The following PPIC variants were observed in gnomAD, a reference collection of about 807,000 sequenced individuals.
The protein encoded by PPIC is peptidyl-prolyl cis-trans isomerase C.
Under a neutral mutation model 19.5 loss-of-function variants are expected in PPIC, and 19 were observed. That is an observed-to-expected ratio of 0.98 (90% CI 0.68 to 1.43). PPIC has a LOEUF of 1.43. Ranked by LOEUF, PPIC falls within the 40% of genes most tolerant of loss-of-function variation. The probability of loss-of-function intolerance (pLI) is 0.00; values close to 1 mark genes in which losing one functional copy is unlikely to be tolerated. For synonymous variants in PPIC, 107 were observed against 101.2 expected (o/e 1.06, Z -0.34); for missense variants, 268 against 268.6 (o/e 1.00, Z 0.02).
intron 3 of PPIC, chr5:123,028,441 C>T: frequency 4.8e-6 from 1 of 206,518 alleles, no homozygotes; most frequent in African/African-American, 2.3e-5. Flanking sequence ...GGGAACGCAG[C>T]TTCATGTTCC....
chr5:123,026,857 C>CT lies in PPIC; in HGVS notation c.326-890dup, dbSNP rs1177088794. On this transcript the variant is annotated intron_variant, in intron 3 of 4. Coordinates refer to ENST00000306442, the MANE Select transcript of PPIC (RefSeq NM_000943.5). The stretch of plus-strand genomic sequence containing the variant: ...GCCCACCTCCCCTTCTGTAGGGCCC[C>CT]TTATCTATCAGTTGCCAACTTCAAA... 5.9e-5 allele frequency among the ~76,000 whole-genome samples: 9 copies of CT among 152,304 alleles called. No homozygotes were observed. The East Asian group carries it at 1.7e-3, about 29-fold the overall frequency.
chr5:123,024,153 A>ACC, intron 4 of PPIC, 150 bp from the exon 5 acceptor site: 2 of 104,228 alleles, frequency 1.9e-5, no homozygotes, highest in Non-Finnish European at 1.4e-5. Flanking sequence ...AGCGTTTTTT[A>ACC]TGCACGCTAA....
At chr5:123,024,767 C>T (rs888560340) in intron 4 of PPIC, among the ~76,000 whole-genome samples, 1 of 152,142 alleles carries the variant, frequency 6.6e-6, no homozygotes, top group Non-Finnish European at 1.5e-5. Context: ...GGTTTATTTA[C>T]ATTTGGATGA....
rs1763019353 is a variant in PPIC at position 123,036,615 on chromosome 5, C to G, written c.11G>C (p.Gly4Ala). MGP[G>A]PRLLLPLVLC... ...CACGAGAGGTAGCAGCAGCCGAGGA[C>G]CCGGGCCCATGGTGAGCGGTGGCAG... Residue 4 changes from glycine to alanine, a missense_variant, in exon 1 of 5, where the codon GGT (glycine) becomes GCT (alanine). By Grantham distance (60) the Gly-to-Ala change is moderately conservative. Coordinates refer to ENST00000306442, the MANE Select transcript of PPIC (RefSeq NM_000943.5). This position sits in a 1 kb window ranked among gnomAD's most constrained non-coding sequence, Gnocchi z 4.5. 5.7e-6 allele frequency: 9 copies of G among 1,588,828 alleles called. No individual in the cohort carries two copies. The highest frequency in any genetic ancestry group is 3.6e-5 in the Admixed American group (2 of 56,152).
At chr5:123,033,967 C>T (rs1762972254) in intron 1 of PPIC, among the ~76,000 whole-genome samples, 1 of 152,232 alleles carries the variant, frequency 6.6e-6, no homozygotes, top group Admixed American at 6.5e-5. Flanking sequence ...CCACCTGAGC[C>T]TCTATGGCTG....
Position 123,036,292 on chromosome 5 carries a change from G to A in PPIC, c.117+217C>T. The A allele has an allele frequency of 3.5e-6, 2 of 571,526 alleles. No individual in the cohort carries two copies. The highest frequency in any genetic ancestry group is 3.1e-5 in the Admixed American group (1 of 32,452). 35.4% of individuals were successfully genotyped at this position (571,526 alleles called of 1,614,324 possible). On this transcript the variant is annotated intron_variant, in intron 1 of 4. Transcript: ENST00000306442. This position sits in a 1 kb window ranked among gnomAD's most constrained non-coding sequence, Gnocchi z 4.5. Reference sequence around the variant, plus strand: ...GTCCAAGCAGACTGCGGCGGAGGTAGGCTGGCCTCAGCCCAGCTCCCCCAG... The same window carrying A: ...GTCCAAGCAGACTGCGGCGGAGGTAAGCTGGCCTCAGCCCAGCTCCCCCAG...
At chr5:123,032,614 T>C (rs748480448) in intron 1 of PPIC, among the ~76,000 whole-genome samples, 42 of 152,174 alleles carry the variant, frequency 2.8e-4, no homozygotes, top group Admixed American at 1.2e-3. Context: ...ATCTCTGATG[T>C]TGCTGAGTGC....
At chr5:123,035,991 T>A (rs541148520) in intron 1 of PPIC, among the ~76,000 whole-genome samples, 1 of 151,980 alleles carries the variant, frequency 6.6e-6, no homozygotes, top group Non-Finnish European at 1.5e-5. Context: ...GAGGGTAGTC[T>A]CTCATCTGAA....
At chr5:123,034,483 G>A (rs963452146) in intron 1 of PPIC, among the ~76,000 whole-genome samples, 1 of 151,872 alleles carries the variant, frequency 6.6e-6, no homozygotes. Flanking sequence ...GTGGTTCCCC[G>A]CCCACACTGC....
At position 123,030,392 on chromosome 5, in the gene PPIC, A is replaced by C. The variant is rs184657508; in HGVS notation, c.118-974T>G. Reference sequence around the variant, plus strand: ...TCTATTAGCGCGTTTAGATTATATGAACCAATTTACTGTTTGAATGGGTAA... The same window carrying C: ...TCTATTAGCGCGTTTAGATTATATGCACCAATTTACTGTTTGAATGGGTAA... On this transcript the variant is annotated intron_variant, in intron 1 of 4. Transcript: ENST00000306442. Among the ~76,000 whole-genome samples, 6 of 152,344 alleles carry C rather than the reference A, an allele frequency of 3.9e-5. No individual in the cohort carries two copies. The East Asian group carries it at 1.2e-3, about 29-fold the overall frequency.
intron 1 of PPIC, among the ~76,000 whole-genome samples, chr5:123,032,703 A>G (rs1561753277): frequency 6.6e-6 from 1 of 152,242 alleles, no homozygotes; most frequent in Non-Finnish European, 1.5e-5. Context: ...CTTCAGTCCA[A>G]CAGAAAACAC....
chr5:123,024,872 TTACAG>T (rs1762828735), intron 4 of PPIC, among the ~76,000 whole-genome samples: 1 of 152,130 alleles, frequency 6.6e-6, no homozygotes, highest in Non-Finnish European at 1.5e-5. Context: ...TGGACAGACT[TTACAG>T]TAACCAGTTT....
At chr5:123,027,450 C>A (rs1423233112) in intron 3 of PPIC, among the ~76,000 whole-genome samples, 2 of 152,180 alleles carry the variant, frequency 1.3e-5, no homozygotes, top group Non-Finnish European at 2.9e-5. Flanking sequence ...CCTGCCAGCA[C>A]CATTCCTATG....
At position 123,036,228 on chromosome 5, in the gene PPIC, C is replaced by G; in HGVS notation, c.117+281G>C. ...CCGGTTCCGGAAGCCTCTCCTACCC[C>G]CAGGCTGGTCACCTCGGACTACCGA... On this transcript the variant is annotated intron_variant, in intron 1 of 4. Coordinates refer to ENST00000306442, the MANE Select transcript of PPIC (RefSeq NM_000943.5). This position sits in a 1 kb window ranked among gnomAD's most constrained non-coding sequence, Gnocchi z 4.5. The G allele has an allele frequency of 4.1e-6, 2 of 485,668 alleles. No homozygotes were observed. The highest frequency in any genetic ancestry group is 7.4e-6 in the Non-Finnish European group (2 of 269,106). 30.1% of individuals were successfully genotyped at this position (485,668 alleles called of 1,614,324 possible). A position where few individuals can be genotyped will look rare whatever the true frequency, so the allele number is the denominator to read the frequency against.
At chr5:123,031,538 G>T (rs1229039425) in intron 1 of PPIC, among the ~76,000 whole-genome samples, 1 of 152,202 alleles carries the variant, frequency 6.6e-6, no homozygotes, top group Non-Finnish European at 1.5e-5. Context: ...CACAACTAGG[G>T]GTTAGAGTGG....
chr5:123,036,182 C>G lies in PPIC; in HGVS notation c.117+327G>C, dbSNP rs944299453. ...GCTGAAGGAAGTACTTGGGCAGTCT[C>G]TTTCCTGGAGAACGGGCCCGCCGGT... On this transcript the variant is annotated intron_variant, in intron 1 of 4. Transcript: ENST00000306442. The surrounding 1 kb of genome is among the most constrained non-coding windows in gnomAD (Gnocchi z 4.5). 4.4e-5 allele frequency: 16 copies of G among 365,488 alleles called. No individual in the cohort carries two copies. Among genetic ancestry groups the G allele is most frequent in the Non-Finnish European group, 6.6e-5 (13 of 197,260 alleles). 22.6% of individuals were successfully genotyped at this position (365,488 alleles called of 1,614,324 possible).
rs1458078212 is a variant in PPIC, at chr5:123,036,459, C to T, written c.117+50G>A. 2.0e-6 allele frequency: 3 copies of T among 1,534,432 alleles called. No homozygotes were observed. The highest frequency in any genetic ancestry group is 2.7e-6 in the Non-Finnish European group (3 of 1,121,660). On this transcript the variant is annotated intron_variant, in intron 1 of 4. Coordinates refer to ENST00000306442, the MANE Select transcript of PPIC (RefSeq NM_000943.5). This position sits in a 1 kb window ranked among gnomAD's most constrained non-coding sequence, Gnocchi z 4.5. ...GAGGTCCCAGTATCCAAAGCGCCCC[C>T]AGGGCCCCGCCCGCAACAGGGGAAG... is the stretch of plus-strand genomic sequence containing the variant.
chr5:123,028,535 C>T (rs1762896068), intron 3 of PPIC: 2 of 412,814 alleles, frequency 4.8e-6, no homozygotes, highest in Non-Finnish European at 8.5e-6. Flanking sequence ...AAAATGAATA[C>T]ATCTCAATTA....
Position 123,025,947 on chromosome 5 carries a change from G to A in PPIC, c.347C>T (p.Thr116Ile), listed in dbSNP as rs945520075. Residue 116 changes from threonine (T) to isoleucine (I), a missense_variant, in exon 4 of 5, where the codon ACA becomes ATA. Coordinates refer to ENST00000306442, the MANE Select transcript of PPIC (RefSeq NM_000943.5). ...CAGCTTGAAGTTCTCATCTGGAAAT[G>A]TCTCACCATAGATGCTCACACCTGA... ...GTGGVSIYGE[T>I]FPDENFKLKH... 5.6e-6 allele frequency: 9 copies of A among 1,606,444 alleles called. No individual in the cohort carries two copies. The highest frequency in any genetic ancestry group is 1.7e-5 in the Admixed American group (1 of 58,122).
Sources: gnomAD v4.1 joint callset for allele counts (sites outside exome capture counted in the v4.1 genomes callset) on GRCh38, gnomAD v4.1.1 for gene constraint, Gnocchi (gnomAD v3.1) non-coding constraint, MANE v1.5 for transcripts, NCBI Gene and HGNC (gene_info 2026-07-23, HGNC 2026-07-21) for gene names.